TENM3: variants seen among roughly 807,000 people sequenced by gnomAD.
The protein encoded by TENM3 is teneurin-3.
TENM3 carries 63 observed loss-of-function variants against 255.1 expected under a neutral mutation model. The ratio of observed to expected loss-of-function variants is 0.25; its 90% confidence interval spans 0.20 to 0.30. TENM3 has a LOEUF of 0.30. TENM3 is among the 10% of genes least tolerant of loss of function. TENM3 has a pLI of 1.00. For missense variants in TENM3, 2,929 were observed against 3,461.1 expected (o/e 0.85, Z 3.86); for synonymous variants, 1,306 against 1,322.3 (o/e 0.99, Z 0.27).
intron 3 of TENM3, among the ~76,000 whole-genome samples, chr4:182,530,825 T>C (rs542047625): frequency 1.3e-5 from 2 of 152,320 alleles, no homozygotes; most frequent in South Asian, 4.1e-4. Flanking sequence ...CTTAGATGTT[T>C]GGCTTACATG....
At chr4:182,042,785 T>C in the TENM3 span, among the ~76,000 whole-genome samples, 1 of 152,256 alleles carries the variant, frequency 6.6e-6, no homozygotes, top group East Asian at 1.9e-4. Flanking sequence ...CTTAACAGTC[T>C]ATGACAACAA....
At chr4:182,665,046 A>G (rs559217909) in intron 6 of TENM3, among the ~76,000 whole-genome samples, 17 of 152,336 alleles carry the variant, frequency 1.1e-4, no homozygotes, top group Admixed American at 1.0e-3. Flanking sequence ...TAGATGAAAG[A>G]GCCTTAGACT....
chr4:181,995,208 T>C, the TENM3 span, among the ~76,000 whole-genome samples: 1 of 152,038 alleles, frequency 6.6e-6, no homozygotes, highest in East Asian at 1.9e-4. Flanking sequence ...GAGAATGGCT[T>C]GAACCCGGGG....
chr4:182,775,602 C>A (rs1579455015), intron 24 of TENM3, among the ~76,000 whole-genome samples: 2 of 152,180 alleles, frequency 1.3e-5, no homozygotes, highest in East Asian at 1.9e-4. Context: ...TGGGCCACTG[C>A]AAACGCAAGG....
chr4:181,645,382 C>T, the TENM3 span, among the ~76,000 whole-genome samples: 1 of 152,166 alleles, frequency 6.6e-6, no homozygotes, highest in Non-Finnish European at 1.5e-5. Context: ...GGCAGGGGTC[C>T]TGGGAACTCA....
intron 12 of TENM3, among the ~76,000 whole-genome samples, chr4:182,712,045 T>C (rs1480129522): frequency 1.3e-5 from 2 of 152,220 alleles, no homozygotes; most frequent in Non-Finnish European, 2.9e-5. Flanking sequence ...GAAATTTCGT[T>C]TATTTCATAT....
At chr4:181,586,707 G>A in the TENM3 span, among the ~76,000 whole-genome samples, 2 of 152,080 alleles carry the variant, frequency 1.3e-5, no homozygotes, top group African/African-American at 4.8e-5. Flanking sequence ...AGGCGTGGTG[G>A]CACACTCTTG....
chr4:182,156,655 C>A (rs1750725490), intron 1 of TENM3, among the ~76,000 whole-genome samples: 1 of 151,300 alleles, frequency 6.6e-6, no homozygotes, highest in Admixed American at 6.6e-5. Flanking sequence ...ACGTATTAAA[C>A]CCTTACATTT....
chr4:181,600,625 T>G, the TENM3 span, among the ~76,000 whole-genome samples: 25 of 151,774 alleles, frequency 1.6e-4, no homozygotes, highest in African/African-American at 5.8e-4. Flanking sequence ...GGGACTCTGA[T>G]TGCCTGGCCC....
chr4:182,612,236 C>T (rs1190756962), intron 4 of TENM3, among the ~76,000 whole-genome samples: 6 of 150,094 alleles, frequency 4.0e-5, no homozygotes, highest in East Asian at 2.0e-4. Flanking sequence ...TGCACCACTG[C>T]GCTCCAGCCT....
chr4:182,447,827 T>C (rs1181541311), intron 3 of TENM3, among the ~76,000 whole-genome samples: 1 of 152,154 alleles, frequency 6.6e-6, no homozygotes, highest in African/African-American at 2.4e-5. Context: ...CATTCAGTCA[T>C]TCAATTCTCA....
chr4:181,492,125 A>G, the TENM3 span, among the ~76,000 whole-genome samples: 2 of 152,196 alleles, frequency 1.3e-5, no homozygotes, highest in Non-Finnish European at 2.9e-5. Context: ...ACAGTCATCA[A>G]TAATATTCTT....
the TENM3 span, among the ~76,000 whole-genome samples, chr4:181,910,382 T>C: frequency 3.3e-5 from 5 of 151,618 alleles, no homozygotes; most frequent in African/African-American, 1.2e-4. Context: ...CTGGCCAATA[T>C]GGTGAAACCC....
chr4:181,743,940 AT>A, the TENM3 span, among the ~76,000 whole-genome samples: 1 of 152,080 alleles, frequency 6.6e-6, no homozygotes, highest in African/African-American at 2.4e-5. Flanking sequence ...CCCAGTATCC[AT>A]TAGTGATTCT....
At chr4:181,824,910 C>G in the TENM3 span, among the ~76,000 whole-genome samples, 1 of 152,188 alleles carries the variant, frequency 6.6e-6, no homozygotes, top group Non-Finnish European at 1.5e-5. Flanking sequence ...GACCACCGGG[C>G]ACTCACTGAC....
chr4:181,857,714 C>T, the TENM3 span, among the ~76,000 whole-genome samples: 1 of 151,870 alleles, frequency 6.6e-6, no homozygotes, highest in African/African-American at 2.4e-5. Flanking sequence ...GCTGAGATCA[C>T]ACCACTGCAC....
At chr4:181,689,838 G>C in the TENM3 span, among the ~76,000 whole-genome samples, 1 of 152,090 alleles carries the variant, frequency 6.6e-6, no homozygotes, top group Non-Finnish European at 1.5e-5. Flanking sequence ...ATGGAGGTCG[G>C]TTACGGATAC....
chr4:181,732,223 A>T, the TENM3 span, among the ~76,000 whole-genome samples: 1 of 152,204 alleles, frequency 6.6e-6, no homozygotes, highest in Non-Finnish European at 1.5e-5. Flanking sequence ...CTAGAAGGAT[A>T]GATGCATGGT....
At chr4:182,198,135 TA>T (rs779732259) in intron 1 of TENM3, among the ~76,000 whole-genome samples, 2 of 151,762 alleles carry the variant, frequency 1.3e-5, no homozygotes, top group South Asian at 2.1e-4. Context: ...AAATAAAATT[TA>T]AAAAAATAAA....
Sources: gnomAD v4.1 joint callset for allele counts (sites outside exome capture counted in the v4.1 genomes callset) on GRCh38, gnomAD v4.1.1 for gene constraint, MANE v1.5 for transcripts, NCBI Gene and HGNC (gene_info 2026-07-23, HGNC 2026-07-21) for gene names.